Variants in CTNNA2 observed in about 807,000 individuals in gnomAD.
The protein encoded by CTNNA2 is catenin alpha-2.
CTNNA2 carries 42 observed loss-of-function variants against 101.0 expected under a neutral mutation model. That is an observed-to-expected ratio of 0.42 (90% CI 0.32 to 0.54). The LOEUF is 0.54. CTNNA2 is among the 20% of genes least tolerant of loss of function. The pLI is 0.14. For missense variants in CTNNA2, 871 were observed against 1,223.1 expected, an observed-to-expected ratio of 0.71 and a Z score of 4.29; for synonymous variants, 450 against 456.4, an observed-to-expected ratio of 0.99 and a Z score of 0.18.
intron 2 of CTNNA2, among the ~76,000 whole-genome samples, chr2:79,718,826 T>TTG (rs1473766009): frequency 2.0e-5 from 3 of 149,642 alleles, no homozygotes; most frequent in Non-Finnish European, 4.5e-5. Context: ...TCCCACTTGT[T>TTG]TTTTTTTTTT....
intron 7 of CTNNA2, chr2:80,162,857 T>G: frequency 6.3e-7 from 1 of 1,595,852 alleles, no homozygotes; most frequent in South Asian, 1.1e-5. Context: ...ATCTCTGAAT[T>G]ATCTGTGCTG....
chr2:79,465,345 T>C (rs1394994086), intron 4 of CTNNA2, among the ~76,000 whole-genome samples: 7 of 152,142 alleles, frequency 4.6e-5, no homozygotes, highest in African/African-American at 9.7e-5. Flanking sequence ...TGATCTCTAT[T>C]TCTGTTTTGG....
At chr2:80,566,094 T>C (rs1341048081) in intron 12 of CTNNA2, among the ~76,000 whole-genome samples, 2 of 152,240 alleles carry the variant, frequency 1.3e-5, no homozygotes, top group African/African-American at 4.8e-5. Context: ...CTATTTTTAC[T>C]GATAGTTTTA....
chr2:80,390,788 T>C (rs1305427802), intron 7 of CTNNA2, among the ~76,000 whole-genome samples: 1 of 152,192 alleles, frequency 6.6e-6, no homozygotes, highest in Non-Finnish European at 1.5e-5. Flanking sequence ...TTTAAATTTT[T>C]GATATTTTAT....
At chr2:79,222,738 A>G (rs1366521108) in intron 2 of CTNNA2, among the ~76,000 whole-genome samples, 2 of 151,778 alleles carry the variant, frequency 1.3e-5, no homozygotes, top group Non-Finnish European at 2.9e-5. Flanking sequence ...TGTCCCTCCT[A>G]TAATTCATAA....
chr2:80,544,896 A>G, intron 9 of CTNNA2, 86 bp from the exon 10 acceptor site: 2 of 1,101,700 alleles, frequency 1.8e-6, no homozygotes, highest in East Asian at 2.5e-5. Flanking sequence ...TGGAAGAGAC[A>G]TCTGCCAGAG....
At chr2:79,404,048 G>T (rs896451400) in intron 4 of CTNNA2, among the ~76,000 whole-genome samples, 2 of 151,626 alleles carry the variant, frequency 1.3e-5, no homozygotes, top group Non-Finnish European at 2.9e-5. Flanking sequence ...TAGAATTCTT[G>T]CTCTTTCCTT....
upstream of CTNNA2, among the ~76,000 whole-genome samples, chr2:79,509,996 T>C (rs1671500964): frequency 6.6e-6 from 1 of 152,156 alleles, no homozygotes; most frequent in Non-Finnish European, 1.5e-5. Context: ...TGAATTAGGG[T>C]CCTAGTGTGT....
chr2:80,020,768 T>A (rs1195521637), intron 7 of CTNNA2, among the ~76,000 whole-genome samples: 1 of 152,078 alleles, frequency 6.6e-6, no homozygotes, highest in Admixed American at 6.6e-5. Context: ...ATCCCACCAA[T>A]TACTGCATGC....
intron 7 of CTNNA2, among the ~76,000 whole-genome samples, chr2:80,341,543 T>C (rs1372059762): frequency 6.6e-6 from 1 of 152,030 alleles, no homozygotes; most frequent in African/African-American, 2.4e-5. Flanking sequence ...GAAATGCAAA[T>C]CAAAACCATA....
chr2:79,829,812 C>T (rs887894716), intron 3 of CTNNA2, among the ~76,000 whole-genome samples: 9 of 151,826 alleles, frequency 5.9e-5, no homozygotes, highest in South Asian at 2.1e-4. Context: ...CTCCGCCTCC[C>T]GGGTTCACGC....
At chr2:79,849,275 T>C (rs549077031) in intron 3 of CTNNA2, among the ~76,000 whole-genome samples, 6 of 151,010 alleles carry the variant, frequency 4.0e-5, no homozygotes, top group African/African-American at 1.2e-4. Flanking sequence ...AGTTTTGGTA[T>C]GGCTTGCATG....
rs540558419 is a variant in CTNNA2 at position 79,436,120 on chromosome 2, T to C, written c.-135+62107T>C. On this transcript the variant is annotated intron_variant, in intron 4 of 21. Coordinates refer to the CTNNA2 transcript ENST00000466387. ...GCACCACAGGCTTTTCTGATGCAGT[T>C]AGCGTAATCTCAAGATTGAGCAACA... Among the ~76,000 whole-genome samples the C allele has an allele frequency of 2.0e-5, 3 of 152,302 alleles. No homozygotes were observed. In the East Asian group the frequency reaches 5.8e-4, roughly 29 times the overall value.
At chr2:80,207,572 G>A (rs1346984671) in intron 7 of CTNNA2, among the ~76,000 whole-genome samples, 1 of 152,184 alleles carries the variant, frequency 6.6e-6, no homozygotes, top group Non-Finnish European at 1.5e-5. Context: ...ATAACTAAGG[G>A]ATAGAGTTGG....
intron 1 of CTNNA2, among the ~76,000 whole-genome samples, chr2:79,641,537 G>A (rs936025996): frequency 6.6e-6 from 1 of 152,118 alleles, no homozygotes; most frequent in African/African-American, 2.4e-5. Flanking sequence ...TGTTGCTGAA[G>A]GATAATAAGC....
rs1674928569 is a variant in CTNNA2, at chr2:80,288,113, T to C, written c.1057-105098T>C. Among the ~76,000 whole-genome samples the C allele has an allele frequency of 3.3e-5, 5 of 152,316 alleles. No homozygotes were observed. The South Asian group carries it at 1.0e-3, about 32-fold the overall frequency. Reference sequence around the variant, plus strand: ...TCCTTAGTTGCTGCCCAGGGTCCTCTGGTGATAGCATTCCAAGTGGGGGAC... The same window carrying C: ...TCCTTAGTTGCTGCCCAGGGTCCTCCGGTGATAGCATTCCAAGTGGGGGAC... On this transcript the variant is annotated intron_variant, in intron 7 of 18. Coordinates refer to ENST00000402739, the MANE Select transcript of CTNNA2 (RefSeq NM_001282597.3).
In CTNNA2 at chr2:80,555,737, C is replaced by T. The variant is rs1279251577; in HGVS notation, c.1585C>T (p.Gln529Ter). 6.3e-7 allele frequency: 1 copy of T among 1,579,520 alleles called. No homozygotes were observed. Among genetic ancestry groups the T allele is most frequent in the Non-Finnish European group, 8.6e-7 (1 of 1,162,596 alleles). ...TGTGAACAAGTGTGTGATAGCCCTC[C>T]AAGAGGGCGATGTGGACACTCTGGA... ...EDVNKCVIAL[Q>*]EGDVDTLDRT... Residue 529 changes from glutamine (Q) to a stop codon, truncating the protein, a stop_gained, in exon 12 of 19, where the codon CAA (glutamine) becomes TAA (stop). Coordinates refer to ENST00000402739, the MANE Select transcript of CTNNA2 (RefSeq NM_001282597.3). LOFTEE classifies it high-confidence loss of function.
At chr2:79,328,972 C>T (rs748028346) in intron 3 of CTNNA2, among the ~76,000 whole-genome samples, 5 of 152,186 alleles carry the variant, frequency 3.3e-5, no homozygotes, top group Non-Finnish European at 5.9e-5. Context: ...CTTCACATGG[C>T]ATTGTTCCCT....
chr2:79,488,489 TA>T (rs1671179153), intron 4 of CTNNA2, among the ~76,000 whole-genome samples: 1 of 152,112 alleles, frequency 6.6e-6, no homozygotes. Context: ...ACAGAAATGA[TA>T]ATCAGGAACC....
Sources: gnomAD v4.1 joint callset for allele counts (sites outside exome capture counted in the v4.1 genomes callset) on GRCh38, gnomAD v4.1.1 for gene constraint, MANE v1.5 for transcripts, NCBI Gene and HGNC (gene_info 2026-07-23, HGNC 2026-07-21) for gene names.